The following TTC29 variants were observed in gnomAD, a reference collection of about 807,000 sequenced individuals.
TTC29 encodes tetratricopeptide repeat protein 29.
Under a neutral mutation model 58.1 loss-of-function variants are expected in TTC29, and 49 were observed. The ratio of observed to expected loss-of-function variants is 0.84; its 90% CI spans 0.67 to 1.07. TTC29 has a LOEUF of 1.07. TTC29 is among the 50% of genes least tolerant of loss of function. The pLI, the probability that TTC29 is intolerant of heterozygous loss-of-function variation, is 0.00. For missense variants in TTC29, 582 were observed against 555.6 expected (o/e 1.05, Z -0.48); for synonymous variants, 209 against 196.8 (o/e 1.06, Z -0.52).
At chr4:146,907,826 T>A (rs1219823379) in intron 5 of TTC29, among the ~76,000 whole-genome samples, 1 of 152,120 alleles carries the variant, frequency 6.6e-6, no homozygotes, top group Non-Finnish European at 1.5e-5. Flanking sequence ...ATAATAGCAC[T>A]TTTTATTTAC....
intron 11 of TTC29, among the ~76,000 whole-genome samples, chr4:146,755,565 G>A (rs1038278707): frequency 5.3e-5 from 8 of 152,112 alleles, no homozygotes; most frequent in Non-Finnish European, 7.4e-5. Flanking sequence ...TAGGTAATAA[G>A]ATTGTATTGT....
In TTC29 at chr4:146,896,499, A is replaced by G. The variant is rs757935321; in HGVS notation, c.586+7045T>C. Among the ~76,000 whole-genome samples, 6 of 152,222 alleles carry G rather than the reference A, an allele frequency of 3.9e-5. No homozygotes were observed. In the South Asian group the frequency reaches 8.3e-4, roughly 21 times the overall value. On this transcript the variant is annotated intron_variant, in intron 6 of 12. Coordinates refer to ENST00000325106, the MANE Select transcript of TTC29 (RefSeq NM_031956.4). Reference sequence around the variant, plus strand: ...TATTTGAATATTCAAAATATTCCCAATGATTTTTCTAGCTATGAATATCTC... The same window carrying G: ...TATTTGAATATTCAAAATATTCCCAGTGATTTTTCTAGCTATGAATATCTC...
At chr4:146,915,864 C>A (rs1734188487) in intron 4 of TTC29, among the ~76,000 whole-genome samples, 1 of 151,742 alleles carries the variant, frequency 6.6e-6, no homozygotes, top group Admixed American at 6.6e-5. Context: ...AAAAACCGTA[C>A]TTTAAAACAA....
chr4:146,844,907 G>C (rs1447049409), intron 8 of TTC29, among the ~76,000 whole-genome samples: 4 of 152,152 alleles, frequency 2.6e-5, no homozygotes, highest in African/African-American at 7.2e-5. Flanking sequence ...AGAGGTAGGA[G>C]GGCACTCAGA....
chr4:146,741,700 T>G (rs149893863), intron 11 of TTC29, among the ~76,000 whole-genome samples: 2 of 152,154 alleles, frequency 1.3e-5, no homozygotes, highest in South Asian at 4.1e-4. Flanking sequence ...CCTAACATGT[T>G]CTAGCTGCCT....
intron 9 of TTC29, among the ~76,000 whole-genome samples, chr4:146,828,219 T>C (rs1306795821): frequency 6.6e-6 from 1 of 152,152 alleles, no homozygotes; most frequent in Non-Finnish European, 1.5e-5. Flanking sequence ...TAGAGTAAAA[T>C]ATAATGAGAG....
At chr4:146,783,633 TTTCAACAG>T (rs796989482) in intron 11 of TTC29, among the ~76,000 whole-genome samples, 91 of 152,202 alleles carry the variant, frequency 6.0e-4, no homozygotes, top group African/African-American at 2.1e-3. Flanking sequence ...AGAAGTAATG[TTTCAACAG>T]TTCATCATAT....
chr4:146,839,501 G>A (rs1030923036), intron 8 of TTC29, among the ~76,000 whole-genome samples: 2 of 150,398 alleles, frequency 1.3e-5, no homozygotes, highest in African/African-American at 4.9e-5. Context: ...AATTTCACTG[G>A]CCTTATTCAG....
intron 11 of TTC29, among the ~76,000 whole-genome samples, chr4:146,720,902 G>A (rs1743306422): frequency 6.6e-6 from 1 of 152,072 alleles, no homozygotes; most frequent in Admixed American, 6.6e-5. Context: ...ACACTCAACA[G>A]ATATTCATTG....
At chr4:146,784,267 TACTC>T (rs1351325938) in intron 11 of TTC29, among the ~76,000 whole-genome samples, 1 of 152,006 alleles carries the variant, frequency 6.6e-6, no homozygotes, top group Non-Finnish European at 1.5e-5. Context: ...AATTTAAACT[TACTC>T]CAATAAGTGA....
chr4:146,935,665 C>T (rs1580020176), intron 4 of TTC29, among the ~76,000 whole-genome samples: 1 of 152,266 alleles, frequency 6.6e-6, no homozygotes, highest in Middle Eastern at 3.4e-3. Context: ...GTCTCCTGCT[C>T]ATAGGTCTTA....
intron 4 of TTC29, 47 bp downstream of exon 4, chr4:146,937,547 A>T (rs1234317534): frequency 6.5e-6 from 8 of 1,235,442 alleles, no homozygotes; most frequent in Non-Finnish European, 1.1e-6. Flanking sequence ...GAATCAAGAC[A>T]AAAGAAACAA....
chr4:146,859,080 C>T (rs543634837), intron 8 of TTC29, among the ~76,000 whole-genome samples: 1 of 152,222 alleles, frequency 6.6e-6, no homozygotes, highest in Non-Finnish European at 1.5e-5. Flanking sequence ...TCATATTAAA[C>T]GGGCCCCAAC....
chr4:146,764,100 T>C (rs868369204), intron 11 of TTC29: 1 of 152,214 alleles, frequency 6.6e-6, no homozygotes. Flanking sequence ...TTAAACCACT[T>C]TTTGAAAGTT....
chr4:146,815,707 A>G (rs1441159519), intron 10 of TTC29, among the ~76,000 whole-genome samples: 2 of 152,222 alleles, frequency 1.3e-5, no homozygotes, highest in African/African-American at 2.4e-5. Flanking sequence ...GAAAAAAACA[A>G]TAAGTTCAGT....
intron 6 of TTC29, among the ~76,000 whole-genome samples, chr4:146,890,120 C>A (rs1461350770): frequency 6.6e-6 from 1 of 152,056 alleles, no homozygotes; most frequent in East Asian, 1.9e-4. Flanking sequence ...CATAAAAAAG[C>A]AGCACAAACT....
chr4:146,879,031 G>T (rs902989230), intron 6 of TTC29, among the ~76,000 whole-genome samples: 1 of 152,030 alleles, frequency 6.6e-6, no homozygotes, highest in African/African-American at 2.4e-5. Flanking sequence ...TTTAAATGGA[G>T]GTCCCTACTA....
At chr4:146,822,258 T>G (rs1018780940) in intron 9 of TTC29, among the ~76,000 whole-genome samples, 1 of 152,016 alleles carries the variant, frequency 6.6e-6, no homozygotes, top group African/African-American at 2.4e-5. Flanking sequence ...CAACAGGCCC[T>G]GGTGTGTGTT....
chr4:146,908,825 A>T (rs2150282610), intron 5 of TTC29, among the ~76,000 whole-genome samples: 1 of 152,334 alleles, frequency 6.6e-6, no homozygotes, highest in African/African-American at 2.4e-5. Flanking sequence ...GAAGGACATC[A>T]CCAGAATGCC....
Sources: allele counts gnomAD v4.1 joint callset (sites outside exome capture counted in the v4.1 genomes callset), GRCh38; gene constraint gnomAD v4.1.1; transcripts MANE v1.5; gene names NCBI Gene and HGNC (gene_info 2026-07-23, HGNC 2026-07-21).